The following FGF14 variants were observed in gnomAD, a reference collection of about 807,000 sequenced individuals.
The protein encoded by FGF14 is fibroblast growth factor homologous factor 4.
FGF14 carries 5 observed loss-of-function variants against 25.5 expected under a neutral mutation model. The observed-to-expected ratio is 0.20, with a 90% CI of 0.10 to 0.41. The LOEUF (loss-of-function observed/expected upper bound fraction) is 0.41, where lower values mean the gene tolerates loss of function less well. FGF14 is among the 10% of genes least tolerant of loss of function. The probability of loss-of-function intolerance (pLI) is 1.00; values close to 1 mark genes in which losing one functional copy is unlikely to be tolerated. For missense variants in FGF14, 222 were observed against 320.1 expected (o/e 0.69, Z 2.34); for synonymous variants, 138 against 118.3 (o/e 1.17, Z -1.08).
At chr13:102,337,090 A>C (rs1355861939) in intron 1 of FGF14, among the ~76,000 whole-genome samples, 1 of 152,192 alleles carries the variant, frequency 6.6e-6, no homozygotes, top group Non-Finnish European at 1.5e-5. Context: ...TTGAAGTCTT[A>C]TCCTTTAAGA....
intron 3 of FGF14, among the ~76,000 whole-genome samples, chr13:101,815,499 T>C (rs1335145076): frequency 6.6e-6 from 1 of 152,092 alleles, no homozygotes; most frequent in Non-Finnish European, 1.5e-5. Context: ...CCCTAAACCT[T>C]ATATTTTAAG....
chr13:102,292,065 T>C (rs777142387), intron 1 of FGF14, among the ~76,000 whole-genome samples: 8 of 152,018 alleles, frequency 5.3e-5, no homozygotes, highest in Non-Finnish European at 8.8e-5. Context: ...CTTTGCCCAA[T>C]CCCAAGCGCT....
chr13:102,299,387 C>G (rs1046979261), intron 1 of FGF14, among the ~76,000 whole-genome samples: 1 of 152,090 alleles, frequency 6.6e-6, no homozygotes, highest in East Asian at 1.9e-4. Flanking sequence ...TGCAAACAAT[C>G]CAAAAGCAGT....
intron 1 of FGF14, among the ~76,000 whole-genome samples, chr13:102,104,773 G>A (rs1029191711): frequency 1.3e-5 from 2 of 152,010 alleles, no homozygotes; most frequent in African/African-American, 4.8e-5. Context: ...ACAACAGAAC[G>A]AGACCCTATC....
chr13:101,915,898 G>A (rs1318675105), intron 1 of FGF14, among the ~76,000 whole-genome samples: 1 of 152,182 alleles, frequency 6.6e-6, no homozygotes, highest in East Asian at 1.9e-4. Context: ...GAACCTCAGC[G>A]GACTGGGCCA....
intron 1 of FGF14, among the ~76,000 whole-genome samples, chr13:102,216,580 T>C (rs2050381597): frequency 6.6e-6 from 1 of 152,234 alleles, no homozygotes; most frequent in Non-Finnish European, 1.5e-5. Flanking sequence ...CAACATGATG[T>C]TTTGATACAT....
intron 1 of FGF14, among the ~76,000 whole-genome samples, chr13:101,937,361 G>A (rs2035169868): frequency 6.6e-6 from 1 of 152,142 alleles, no homozygotes; most frequent in African/African-American, 2.4e-5. Context: ...GTGAAAATGA[G>A]GCTGTCAGGT....
intron 1 of FGF14, among the ~76,000 whole-genome samples, chr13:102,295,450 T>C (rs966364105): frequency 1.3e-5 from 2 of 152,188 alleles, no homozygotes; most frequent in African/African-American, 4.8e-5. Flanking sequence ...TCCTTTGACT[T>C]GTACGGTACT....
intron 1 of FGF14, among the ~76,000 whole-genome samples, chr13:102,161,566 G>T (rs1226748506): frequency 0.018 from 40 of 2,224 alleles, 1 homozygote; most frequent in African/African-American, 0.062. Context: ...AACTTTCTGT[G>T]AAGAAAGAAA....
At chr13:102,369,827 G>C (rs1478412361) in intron 1 of FGF14, among the ~76,000 whole-genome samples, 2 of 151,992 alleles carry the variant, frequency 1.3e-5, no homozygotes, top group Non-Finnish European at 2.9e-5. Flanking sequence ...ACATTTCTTG[G>C]AACAAGAAAG....
intron 1 of FGF14, among the ~76,000 whole-genome samples, chr13:102,181,302 A>G (rs2048664891): frequency 6.6e-6 from 1 of 152,194 alleles, no homozygotes. Context: ...TGACATGGTA[A>G]AAGGAATTCC....
intron 1 of FGF14, among the ~76,000 whole-genome samples, chr13:101,895,846 C>G (rs995420146): frequency 2.6e-5 from 4 of 152,124 alleles, no homozygotes; most frequent in African/African-American, 9.7e-5. Context: ...TACGTAAGTA[C>G]TTTCAATGGT....
chr13:101,939,111 T>C (rs945750011), intron 1 of FGF14, among the ~76,000 whole-genome samples: 6 of 152,120 alleles, frequency 3.9e-5, no homozygotes, highest in African/African-American at 1.4e-4. Context: ...ATTGGAAACA[T>C]CAGAATAATT....
chr13:102,294,906 A>G (rs1186499319), intron 1 of FGF14, among the ~76,000 whole-genome samples: 1 of 152,188 alleles, frequency 6.6e-6, no homozygotes, highest in African/African-American at 2.4e-5. Context: ...TAGCACTTAG[A>G]ACAATGTCTG....
chr13:102,125,785 A>C (rs1388468364), intron 1 of FGF14, among the ~76,000 whole-genome samples: 1 of 152,126 alleles, frequency 6.6e-6, no homozygotes, highest in Admixed American at 6.5e-5. Context: ...TCATGGTGTA[A>C]AACACACAAC....
intron 3 of FGF14, among the ~76,000 whole-genome samples, chr13:101,731,111 C>G (rs184295088): frequency 6.6e-6 from 1 of 152,234 alleles, no homozygotes; most frequent in Admixed American, 6.5e-5. Flanking sequence ...CTCCAATGTA[C>G]AGCAGCAAGA....
At chr13:101,921,445 C>T (rs968362285), upstream of FGF14, among the ~76,000 whole-genome samples, 2 of 152,196 alleles carry the variant, frequency 1.3e-5, no homozygotes, top group African/African-American at 2.4e-5. Context: ...ATGGCAACTT[C>T]ATTCTTGTTC....
chr13:102,042,473 C>T (rs757813840), intron 1 of FGF14, among the ~76,000 whole-genome samples: 1 of 152,148 alleles, frequency 6.6e-6, no homozygotes, highest in Non-Finnish European at 1.5e-5. Context: ...TAAGTACTTC[C>T]ACCTGTTGGA....
At chr13:102,112,622 C>A (rs780187736) in intron 1 of FGF14, among the ~76,000 whole-genome samples, 1 of 152,140 alleles carries the variant, frequency 6.6e-6, no homozygotes, top group African/African-American at 2.4e-5. Context: ...AACCACAGCT[C>A]AAATTATCTT....
Sources: allele counts gnomAD v4.1 joint callset (sites outside exome capture counted in the v4.1 genomes callset), GRCh38; gene constraint gnomAD v4.1.1; transcripts MANE v1.5; gene names NCBI Gene and HGNC (gene_info 2026-07-23, HGNC 2026-07-21).